BOD1L1: variants seen among roughly 807,000 people sequenced by gnomAD.
BOD1L1 encodes biorientation of chromosomes in cell division 1 like 1.
A neutral mutation model predicts 240.7 loss-of-function variants in BOD1L1; 86 were observed. The observed-to-expected ratio is 0.36, with a 90% CI of 0.30 to 0.43. The LOEUF is 0.43. Ranked by LOEUF, BOD1L1 falls within the 20% of genes least tolerant of loss-of-function variation. The probability of loss-of-function intolerance (pLI) is 1.00; values close to 1 mark genes in which losing one functional copy is unlikely to be tolerated. For synonymous variants in BOD1L1, 1,268 were observed against 1,272.3 expected, an observed-to-expected ratio of 1.00 and a Z score of 0.07; for missense variants, 3,554 against 3,643.5, an observed-to-expected ratio of 0.98 and a Z score of 0.63.
chr4:13,579,854 C>T, intron 22 of BOD1L1, 74 bp downstream of exon 22: 1 of 1,290,630 alleles, frequency 7.7e-7, no homozygotes, highest in East Asian at 2.6e-5. Flanking sequence ...ATGGAAGTTC[C>T]AAACCTTCTC....
intron 15 of BOD1L1, among the ~76,000 whole-genome samples, chr4:13,588,051 G>T (rs1195567230): frequency 1.3e-5 from 2 of 152,060 alleles, no homozygotes; most frequent in Non-Finnish European, 2.9e-5. Context: ...AGCTGGGCGT[G>T]GTGGCGGGTG....
chr4:13,584,695 C>T (rs1187216779), intron 17 of BOD1L1, among the ~76,000 whole-genome samples: 6 of 152,128 alleles, frequency 3.9e-5, no homozygotes, highest in Admixed American at 3.3e-4. Context: ...CCTGATGACA[C>T]GCACGCAACT....
rs766163744 is a variant in BOD1L1, at chr4:13,572,784, CTG to C, written c.9039-2658_9039-2657del. The C allele has an allele frequency of 1.2e-5, 15 of 1,289,640 alleles. No homozygotes were observed. In the South Asian group the frequency reaches 1.5e-4, roughly 13 times the overall value. 79.9% of individuals were successfully genotyped at this position (1,289,640 alleles called of 1,614,324 possible). A position where few individuals can be genotyped will look rare whatever the true frequency, so the allele number is the denominator to read the frequency against. ...AATTTTTGGCGATTTCTAGGAGAAACTGTGTCTGGGCTGCCAAGTTTGGATGT... is the reference window on the plus strand; with the variant it reads ...AATTTTTGGCGATTTCTAGGAGAAACTGTCTGGGCTGCCAAGTTTGGATGT... On this transcript the variant is annotated intron_variant, in intron 25 of 25. Coordinates refer to ENST00000040738, the MANE Select transcript of BOD1L1 (RefSeq NM_148894.3).
chr4:13,604,692 T>C lies in BOD1L1; in HGVS notation c.2208A>G (p.Glu736=). The C allele has an allele frequency of 4.4e-6, 7 of 1,594,424 alleles. No individual in the cohort carries two copies. The highest frequency in any genetic ancestry group is 6.0e-6 in the Non-Finnish European group (7 of 1,175,228). ...ATTTATGTTTCACAGACAATTTGTC[T>C]TCCGATGGAGTTTTCTCTCTTTCAG... is the stretch of plus-strand genomic sequence containing the variant. ...EKPEREKTPS[E]DKLSVKHKYK... Residue 736 remains glutamate (E), a synonymous_variant, in exon 10 of 26, where the codon GAA becomes GAG. Coordinates refer to ENST00000040738, the MANE Select transcript of BOD1L1 (RefSeq NM_148894.3).
chr4:13,613,404 C>T lies in BOD1L1; in HGVS notation c.1324+108G>A. ...AAACAAATCTTCCAACTACAAAATC[C>T]CATGCTCTTGCTACTATACCACACT... On this transcript the variant is annotated intron_variant, in intron 5 of 25. Coordinates refer to ENST00000040738, the MANE Select transcript of BOD1L1 (RefSeq NM_148894.3). This position sits in a 1 kb window ranked among gnomAD's most constrained non-coding sequence, Gnocchi z 4.0. The T allele has an allele frequency of 9.4e-7, 1 of 1,068,312 alleles. No individual in the cohort carries two copies. Among genetic ancestry groups the T allele is most frequent in the Non-Finnish European group, 1.3e-6 (1 of 771,932 alleles). The allele number at this position is 1,068,312 out of a possible 1,614,324, so 66.2% of individuals were successfully genotyped here. A position where few individuals can be genotyped will look rare whatever the true frequency, so the allele number is the denominator to read the frequency against.
intron 25 of BOD1L1, among the ~76,000 whole-genome samples, chr4:13,574,606 C>T (rs1376867699): frequency 6.6e-6 from 1 of 152,204 alleles, no homozygotes; most frequent in African/African-American, 2.4e-5. Flanking sequence ...CTACTTTCCA[C>T]AACTGTTTTA....
Position 13,602,241 on chromosome 4 carries a change from A to G in BOD1L1, c.4659T>C (p.Pro1553=), listed in dbSNP as rs746338736. Residue 1553 remains proline (P), a synonymous_variant, in exon 10 of 26, where the codon CCT becomes CCC. Transcript: ENST00000040738. ...SETRQSEVAL[P]CTSIEADEGL... ...CTTCATCTGCCTCAATGCTGGTGCA[A>G]GGCAAAGCCACCTCACTTTGTCTTG... 1 of 1,613,882 alleles carries G rather than the reference A, an allele frequency of 6.2e-7. No individual in the cohort carries two copies. Among genetic ancestry groups the G allele is most frequent in the Admixed American group, 1.7e-5 (1 of 60,008 alleles).
At chr4:13,597,356 T>C (rs550932585) in intron 10 of BOD1L1, among the ~76,000 whole-genome samples, 188 bp from the exon 11 acceptor site, 7 of 152,332 alleles carry the variant, frequency 4.6e-5, no homozygotes, top group African/African-American at 1.7e-4. Context: ...AAGGCAGGGA[T>C]TATTTGCTCA....
intron 8 of BOD1L1, 81 bp from the exon 9 acceptor site, chr4:13,607,270 C>A: frequency 3.1e-6 from 2 of 641,572 alleles, no homozygotes; most frequent in Non-Finnish European, 2.3e-6. Context: ...AAAAATCTTT[C>A]CTTTACTATA....
At position 13,613,538 on chromosome 4, in the gene BOD1L1, A is replaced by G. The variant is rs772572004; in HGVS notation, c.1298T>C (p.Met433Thr). 6 of 1,612,436 alleles carry G rather than the reference A, an allele frequency of 3.7e-6. No homozygotes were observed. The South Asian group carries it at 5.5e-5, about 15-fold the overall frequency. The change falls in exon 5 of 26, where the codon ATG (methionine) becomes ACG (threonine). Residue 433 changes from methionine (M) to threonine (T), a missense_variant. Physicochemically the swap from Met to Thr is moderately conservative, Grantham distance 81. Coordinates refer to ENST00000040738, the MANE Select transcript of BOD1L1 (RefSeq NM_148894.3). The surrounding 1 kb of genome is among the most constrained non-coding windows in gnomAD (Gnocchi z 4.0). Reference protein sequence around the residue: ...TEEEVVTSDSMEEGEITSDDE... With the variant: ...TEEEVVTSDSTEEGEITSDDE... ...ATCTGACGTAATCTCTCCTTCTTCC[A>G]TGCTATCAGACGTTACAACTTCCTC...
chr4:13,604,410 G>A lies in BOD1L1; in HGVS notation c.2490C>T (p.Arg830=), dbSNP rs757579982. The part of the protein sequence containing the change: ...VRKENNKKER[R]LSAEKTKAEH... ...CTGCCTTAGTTTTTTCAGCTGACAA[G>A]CGTCTCTCTTTTTTGTTGTTTTCTT... is the stretch of plus-strand genomic sequence containing the variant. Residue 830 remains arginine, a synonymous_variant, in exon 10 of 26, where the codon CGC becomes CGT. Transcript: ENST00000040738. 2.5e-6 allele frequency: 4 copies of A among 1,574,362 alleles called. No homozygotes were observed. The highest frequency in any genetic ancestry group is 1.2e-5 in the South Asian group (1 of 82,572).
In BOD1L1 at chr4:13,600,504, G is replaced by T; in HGVS notation, c.6396C>A (p.Ala2132=). 1 of 1,613,888 alleles carries T rather than the reference G, an allele frequency of 6.2e-7. No homozygotes were observed. Among genetic ancestry groups the T allele is most frequent in the Non-Finnish European group, 8.5e-7 (1 of 1,179,864 alleles). Residue 2132 remains alanine (A), a synonymous_variant, in exon 10 of 26, where the codon GCC becomes GCA. Coordinates refer to ENST00000040738, the MANE Select transcript of BOD1L1 (RefSeq NM_148894.3). ...ACTCATCTTTCTCTTCACTTCTGCTGGCAGTGAGTTGGCTGTCATCTCCTG... is the reference window on the plus strand; with the variant it reads ...ACTCATCTTTCTCTTCACTTCTGCTTGCAGTGAGTTGGCTGTCATCTCCTG... ...AVSGDDSQLT[A]SRSEEKDECA... is the part of the protein sequence containing the mutation.
rs545851488 is a variant in BOD1L1 at position 13,595,756 on chromosome 4, A to G, written c.8104+104T>C. ...TTTAAAAAGTGAGAGGCAAGTTAAT[A>G]GAGCCTGTATGTTACTATGCATCAG... On this transcript the variant is annotated intron_variant, in intron 12 of 25. Transcript: ENST00000040738. The G allele has an allele frequency of 2.7e-5, 21 of 781,096 alleles. No homozygotes were observed. In the Admixed American group the frequency reaches 3.3e-4, roughly 12 times the overall value. 48.4% of individuals were successfully genotyped at this position (781,096 alleles called of 1,614,324 possible). A position where few individuals can be genotyped will look rare whatever the true frequency, so the allele number is the denominator to read the frequency against.
intron 12 of BOD1L1, chr4:13,592,562 T>C (rs1276534601): frequency 1.3e-5 from 2 of 152,204 alleles, no homozygotes; most frequent in Non-Finnish European, 2.9e-5. Context: ...AATCCAAAAA[T>C]GTTAGCTTCT....
At chr4:13,595,811 T>C (rs757485345) in intron 12 of BOD1L1, 49 bp downstream of exon 12, 2 of 1,515,352 alleles carry the variant, frequency 1.3e-6, no homozygotes, top group Non-Finnish European at 1.8e-6. Flanking sequence ...TAAAACCACA[T>C]GCAAGGCAAA....
rs748999437 is a variant in BOD1L1 at position 13,570,123 on chromosome 4, T to C, written c.9044A>G (p.Lys3015Arg). Reference protein sequence around the residue: ...STTRSEAQRSKTQLSPSIKRK... With the variant: ...STTRSEAQRSRTQLSPSIKRK... The stretch of plus-strand genomic sequence containing the variant: ...CTTGATAGAAGGGGAGAGCTGTGTC[T>C]TTGATCTGCATTAAGCAAAGTCAAG... The change falls in exon 26 of 26, where the codon AAG becomes AGG. Residue 3015 changes from lysine to arginine, a missense_variant. This residue lies in a region of BOD1L1 where 3,393 missense variants were observed against 3,427.1 expected (regional missense o/e 0.99). Transcript: ENST00000040738. 2.5e-6 allele frequency: 4 copies of C among 1,590,820 alleles called. No individual in the cohort carries two copies. In the South Asian group the frequency reaches 4.6e-5, roughly 18 times the overall value.
intron 2 of BOD1L1, among the ~76,000 whole-genome samples, chr4:13,619,685 A>G (rs1297213942): frequency 6.6e-6 from 1 of 152,198 alleles, no homozygotes; most frequent in African/African-American, 2.4e-5. Flanking sequence ...GATTTTTTAG[A>G]AAGTCATACT....
chr4:13,575,814 C>A (rs1391696349), intron 25 of BOD1L1, among the ~76,000 whole-genome samples: 1 of 148,574 alleles, frequency 6.7e-6, no homozygotes, highest in Non-Finnish European at 1.5e-5. Context: ...TATAGGCCAA[C>A]AACAGAAAAG....
chr4:13,616,459 A>G (rs1716603071), intron 2 of BOD1L1, among the ~76,000 whole-genome samples: 1 of 152,240 alleles, frequency 6.6e-6, no homozygotes, highest in South Asian at 2.1e-4. Flanking sequence ...AATCTGTGAA[A>G]TGTGCTTCTG....
Sources: gnomAD v4.1 joint callset for allele counts (sites outside exome capture counted in the v4.1 genomes callset) on GRCh38, gnomAD v4.1.1 for gene constraint, gnomAD v4.1.1 regional missense constraint, Gnocchi (gnomAD v3.1) non-coding constraint, MANE v1.5 for transcripts, NCBI Gene and HGNC (gene_info 2026-07-23, HGNC 2026-07-21) for gene names.